Variants in PHACTR1 observed in about 807,000 individuals in gnomAD.
PHACTR1 encodes phosphatase and actin regulator 1, also known as RPEL repeat containing 1.
A neutral mutation model predicts 69.2 loss-of-function variants in PHACTR1; 16 were observed. The ratio of observed to expected loss-of-function variants is 0.23; its 90% CI spans 0.16 to 0.35. PHACTR1 has a LOEUF of 0.35. Ranked by LOEUF, PHACTR1 falls within the 10% of genes least tolerant of loss-of-function variation. The probability of loss-of-function intolerance (pLI) is 1.00; values close to 1 mark genes in which losing one functional copy is unlikely to be tolerated. For synonymous variants in PHACTR1, 312 were observed against 284.5 expected (o/e 1.10, Z -0.97); for missense variants, 510 against 734.7 (o/e 0.69, Z 3.54).
At chr6:12,933,649 G>T in intron 4 of PHACTR1, 1 of 1,612,648 alleles carries the variant, frequency 6.2e-7, no homozygotes. Flanking sequence ...CCCTTTTTGG[G>T]GATATGGATG....
intron 3 of PHACTR1, among the ~76,000 whole-genome samples, chr6:12,730,697 C>T (rs1763390647): frequency 6.6e-6 from 1 of 152,166 alleles, no homozygotes; most frequent in African/African-American, 2.4e-5. Context: ...TATTTCATTA[C>T]CCAGGTATTA....
At chr6:13,193,074 T>C (rs1763819950) in intron 7 of PHACTR1, among the ~76,000 whole-genome samples, 1 of 152,050 alleles carries the variant, frequency 6.6e-6, no homozygotes, top group Non-Finnish European at 1.5e-5. Flanking sequence ...GTCAAACTCA[T>C]GGTCCAGCCG....
intron 4 of PHACTR1, among the ~76,000 whole-genome samples, chr6:12,895,730 G>A (rs760118021): frequency 1.3e-5 from 2 of 152,138 alleles, no homozygotes; most frequent in African/African-American, 2.4e-5. Flanking sequence ...AGAACTCTAC[G>A]TATTGATTCT....
intron 4 of PHACTR1, among the ~76,000 whole-genome samples, chr6:12,753,779 A>AGGAT (rs1766901433): frequency 6.6e-6 from 1 of 151,992 alleles, no homozygotes; most frequent in South Asian, 2.1e-4. Flanking sequence ...GTTTCCTATA[A>AGGAT]GGATGGATGG....
intron 4 of PHACTR1, among the ~76,000 whole-genome samples, chr6:12,781,091 C>G (rs1383928564): frequency 2.6e-5 from 4 of 152,170 alleles, no homozygotes; most frequent in East Asian, 3.8e-4. Flanking sequence ...CAGAGCCTGC[C>G]CATTCCCTGT....
At chr6:13,189,170 G>A (rs1763182763) in intron 7 of PHACTR1, among the ~76,000 whole-genome samples, 1 of 152,176 alleles carries the variant, frequency 6.6e-6, no homozygotes, top group East Asian at 1.9e-4. Flanking sequence ...TCACATTTGG[G>A]TAATAATAAT....
chr6:13,094,941 A>G (rs1813925165), intron 5 of PHACTR1, among the ~76,000 whole-genome samples: 1 of 152,126 alleles, frequency 6.6e-6, no homozygotes. Context: ...AGAAGTTATT[A>G]AAGCTAAATG....
chr6:12,908,800 T>C (rs1786040108), intron 4 of PHACTR1, among the ~76,000 whole-genome samples: 1 of 152,078 alleles, frequency 6.6e-6, no homozygotes, highest in African/African-American at 2.4e-5. Context: ...AGGAAGGAGA[T>C]GACCCATGGC....
At chr6:12,865,497 C>T (rs1278652584) in intron 4 of PHACTR1, among the ~76,000 whole-genome samples, 1 of 151,500 alleles carries the variant, frequency 6.6e-6, no homozygotes, top group Non-Finnish European at 1.5e-5. Flanking sequence ...TGTGTGTAGA[C>T]AATCCTTCAT....
At chr6:12,833,777 T>A (rs745976074) in intron 4 of PHACTR1, among the ~76,000 whole-genome samples, 3 of 152,166 alleles carry the variant, frequency 2.0e-5, no homozygotes, top group Non-Finnish European at 2.9e-5. Flanking sequence ...AATCCTCTAA[T>A]GGCCTCCTAC....
chr6:12,854,337 C>A (rs1780121999), intron 4 of PHACTR1, among the ~76,000 whole-genome samples: 1 of 152,214 alleles, frequency 6.6e-6, no homozygotes, highest in South Asian at 2.1e-4. Context: ...CTTTTGATTT[C>A]ATTCCCTCAG....
In PHACTR1 at chr6:12,766,859, G is replaced by A. The variant is rs139654502; in HGVS notation, c.250+17069G>A. Among the ~76,000 whole-genome samples the A allele has an allele frequency of 1.9e-4, 29 of 152,308 alleles. No homozygotes were observed. In the East Asian group the frequency reaches 4.8e-3, roughly 25 times the overall value. ...TGTTTATTTCAAAGGATCTAGAAGCGTGTTGATAGGTAACTTTATTATTGC... is the reference window on the plus strand; with the variant it reads ...TGTTTATTTCAAAGGATCTAGAAGCATGTTGATAGGTAACTTTATTATTGC... On this transcript the variant is annotated intron_variant, in intron 4 of 14. Coordinates refer to ENST00000332995, the MANE Select transcript of PHACTR1 (RefSeq NM_030948.6).
In PHACTR1 at chr6:12,942,395, T is replaced by TGTTTAAAGTA. The variant is rs1790148989; in HGVS notation, c.251-110970_251-110969insGTTTAAAGTA. On this transcript the variant is annotated intron_variant, in intron 4 of 14. Transcript: ENST00000332995. ...CAAGTGATATACTACACTTTTGAAA[T>TGTTTAAAGTA]ACCCTGCCCTGTTTAAAGTAACCAC... Among the ~76,000 whole-genome samples, 4 of 152,332 alleles carry TGTTTAAAGTA rather than the reference T, an allele frequency of 2.6e-5. No homozygotes were observed. In the South Asian group the frequency reaches 8.3e-4, roughly 32 times the overall value.
At chr6:12,836,010 C>T (rs1008132209) in intron 4 of PHACTR1, among the ~76,000 whole-genome samples, 1 of 152,078 alleles carries the variant, frequency 6.6e-6, no homozygotes, top group African/African-American at 2.4e-5. Context: ...ACATTGTTTC[C>T]TTATAAAATC....
intron 5 of PHACTR1, among the ~76,000 whole-genome samples, chr6:13,086,821 A>C (rs1760569580): frequency 6.6e-6 from 1 of 152,090 alleles, no homozygotes; most frequent in Non-Finnish European, 1.5e-5. Context: ...TTATGTGGTA[A>C]GGGTATGTTT....
intron 5 of PHACTR1, among the ~76,000 whole-genome samples, chr6:13,110,088 T>G (rs1816798640): frequency 6.6e-6 from 1 of 152,122 alleles, no homozygotes; most frequent in Admixed American, 6.6e-5. Context: ...CAGCTGTTTT[T>G]AAGTCCTCAT....
At position 13,160,331 on chromosome 6, in the gene PHACTR1, G is replaced by T. The variant is rs769022151; in HGVS notation, c.496+47G>T. 180 of 1,472,930 alleles carry T rather than the reference G, an allele frequency of 1.2e-4. No individual in the cohort carries two copies. In the Middle Eastern group the frequency reaches 1.4e-3, roughly 11 times the overall value. 91.2% of individuals were successfully genotyped at this position (1,472,930 alleles called of 1,614,324 possible). A position where few individuals can be genotyped will look rare whatever the true frequency, so the allele number is the denominator to read the frequency against. ...TCCCCGGGTCAAAGAGTCATGCGTG[G>T]AATCTGCATGCATATTGCTTGGAGT... On this transcript the variant is annotated intron_variant, in intron 6 of 14. Transcript: ENST00000332995.
intron 4 of PHACTR1, among the ~76,000 whole-genome samples, chr6:12,946,908 G>A (rs1163359004): frequency 6.8e-6 from 1 of 147,282 alleles, no homozygotes; most frequent in Non-Finnish European, 1.5e-5. Flanking sequence ...CACCTCCCCG[G>A]TCCAAGCAAT....
intron 5 of PHACTR1, among the ~76,000 whole-genome samples, chr6:13,134,960 C>T (rs1168203872): frequency 2.0e-5 from 3 of 152,172 alleles, no homozygotes; most frequent in Non-Finnish European, 2.9e-5. Flanking sequence ...TTTCCAGAGT[C>T]AGGCTCTTCG....
Sources: gnomAD v4.1 joint callset for allele counts (sites outside exome capture counted in the v4.1 genomes callset) on GRCh38, gnomAD v4.1.1 for gene constraint, MANE v1.5 for transcripts, NCBI Gene and HGNC (gene_info 2026-07-23, HGNC 2026-07-21) for gene names.